APBA1: variants seen among roughly 807,000 people sequenced by gnomAD.
APBA1 encodes the protein amyloid-beta A4 precursor protein-binding family A member 1.
A neutral mutation model predicts 86.6 loss-of-function variants in APBA1; 55 were observed. The ratio of observed to expected loss-of-function variants is 0.64; its 90% CI spans 0.51 to 0.80. The LOEUF (loss-of-function observed/expected upper bound fraction) is 0.80. Ranked by LOEUF, APBA1 falls within the 30% of genes least tolerant of loss-of-function variation. The probability of loss-of-function intolerance (pLI) is 0.00; values close to 1 mark genes in which losing one functional copy is unlikely to be tolerated. For missense variants in APBA1, 1,090 were observed against 1,183.0 expected (o/e 0.92, Z 1.15); for synonymous variants, 511 against 493.9 (o/e 1.03, Z -0.46).
chr9:69,449,897 ACTTCCCT>A, intron 9 of APBA1, 101 bp from the exon 10 acceptor site: 1 of 1,077,494 alleles, frequency 9.3e-7, no homozygotes, highest in Non-Finnish European at 1.3e-6. Context: ...AAAGAAAGAC[ACTTCCCT>A]GGGGACACCA....
intron 2 of APBA1, among the ~76,000 whole-genome samples, chr9:69,503,152 T>C (rs2133874011): frequency 6.6e-6 from 1 of 152,176 alleles, no homozygotes; most frequent in East Asian, 1.9e-4. Context: ...TGTTTGCCTT[T>C]CTCTGTGTTT....
intron 1 of APBA1, among the ~76,000 whole-genome samples, chr9:69,667,069 C>T (rs1310614322): frequency 6.6e-6 from 1 of 152,112 alleles, no homozygotes; most frequent in Non-Finnish European, 1.5e-5. Context: ...AGAAAAAGCT[C>T]ATCCTTTAAA....
At chr9:69,435,754 C>T (rs9775451) in intron 11 of APBA1, among the ~76,000 whole-genome samples, 56,554 of 151,954 alleles carry the variant, frequency 0.37, 12,233 homozygotes, top group African/African-American at 0.59. Context: ...CTGTTCACTC[C>T]GATGGTAGTT....
At chr9:69,523,497 G>GTATATATATA (rs869242999) in intron 1 of APBA1, among the ~76,000 whole-genome samples, 15 of 30,890 alleles carry the variant, frequency 4.9e-4, no homozygotes, top group Middle Eastern at 0.031. Context: ...ATATATATAT[G>GTATATATATA]TATATATATA....
rs577219717 is a variant in APBA1 at position 69,657,821 on chromosome 9, C to G, written c.-70+14332G>C. Among the ~76,000 whole-genome samples, 9 of 152,272 alleles carry G rather than the reference C, an allele frequency of 5.9e-5. No homozygotes were observed. The East Asian group carries it at 1.5e-3, about 26-fold the overall frequency. ...GACAAATTTACCACCTTAATACCATCAATTATATATTTTTAATCTTTTCCT... is the reference window on the plus strand; with the variant it reads ...GACAAATTTACCACCTTAATACCATGAATTATATATTTTTAATCTTTTCCT... On this transcript the variant is annotated intron_variant, in intron 1 of 12. Transcript: ENST00000265381.
intron 2 of APBA1, among the ~76,000 whole-genome samples, chr9:69,511,094 C>T (rs1274655490): frequency 5.9e-5 from 9 of 151,894 alleles, no homozygotes; most frequent in Non-Finnish European, 1.2e-4. Context: ...AACTAAAGAG[C>T]TTCTGCACAG....
At chr9:69,591,792 A>C (rs1043381971) in intron 1 of APBA1, among the ~76,000 whole-genome samples, 2 of 152,236 alleles carry the variant, frequency 1.3e-5, no homozygotes, top group African/African-American at 4.8e-5. Context: ...CACTGCCTTG[A>C]GAGAGAAATG....
intron 3 of APBA1, among the ~76,000 whole-genome samples, chr9:69,472,167 CTCT>C (rs1472574155): frequency 2.0e-5 from 3 of 152,206 alleles, no homozygotes; most frequent in African/African-American, 7.2e-5. Context: ...TTTTAAAAAT[CTCT>C]TCATCTCCTA....
chr9:69,562,794 A>G (rs1036485582), intron 1 of APBA1, among the ~76,000 whole-genome samples: 5 of 152,342 alleles, frequency 3.3e-5, no homozygotes, highest in East Asian at 3.9e-4. Flanking sequence ...GATCTGCCCA[A>G]ATAGAAAATT....
rs751147415 is a variant in APBA1, at chr9:69,516,698, C to G, written c.513G>C (p.Thr171=). 4.3e-6 allele frequency: 7 copies of G among 1,610,760 alleles called. No individual in the cohort carries two copies. The highest frequency in any genetic ancestry group is 5.9e-6 in the Non-Finnish European group (7 of 1,179,042). The stretch of plus-strand genomic sequence containing the variant: ...CCTCACCGCGGTGGAAGAGCCGGTG[C>G]GTGTAGACGTAGCCTGAGTAGGCCG... The part of the protein sequence containing the change: ...MNAAYSGYVY[T]HRLFHRGEDE... Residue 171 remains threonine, a synonymous_variant, in exon 2 of 13, where the codon ACG becomes ACC. Coordinates refer to ENST00000265381, the MANE Select transcript of APBA1 (RefSeq NM_001163.4). This position sits in a 1 kb window ranked among gnomAD's most constrained non-coding sequence, Gnocchi z 7.3.
intron 1 of APBA1, among the ~76,000 whole-genome samples, chr9:69,564,577 A>C (rs1219786688): frequency 6.6e-6 from 1 of 152,180 alleles, no homozygotes; most frequent in Non-Finnish European, 1.5e-5. Context: ...ACTACCCAAT[A>C]CATGCTCAGA....
chr9:69,431,418 T>C lies in APBA1; in HGVS notation c.2443-20A>G, dbSNP rs1834591835. The C allele has an allele frequency of 1.2e-6, 2 of 1,608,992 alleles. No homozygotes were observed. The highest frequency in any genetic ancestry group is 2.7e-5 in the African/African-American group (2 of 74,826). On this transcript the variant is annotated intron_variant, in intron 12 of 12. Transcript: ENST00000265381. ...ATGAATCTGAGGGTAAAGAACACAC[T>C]TTAGTGGGGGGCTGAGGCTGGGGGC...
At chr9:69,591,154 T>C (rs1466909382) in intron 1 of APBA1, among the ~76,000 whole-genome samples, 1 of 152,164 alleles carries the variant, frequency 6.6e-6, no homozygotes, top group Non-Finnish European at 1.5e-5. Flanking sequence ...CCAAATGCTT[T>C]CAAGGCAGAA....
At chr9:69,530,321 T>C (rs1241763791) in intron 1 of APBA1, among the ~76,000 whole-genome samples, 158 of 136,310 alleles carry the variant, frequency 1.2e-3, no homozygotes, top group African/African-American at 3.8e-3. Context: ...TATATATATA[T>C]ATATATATAC....
rs537667355 is a variant in APBA1, at chr9:69,567,661, T to C, written c.-69-50382A>G. 6.0e-4 allele frequency among the ~76,000 whole-genome samples: 92 copies of C among 152,212 alleles called. 1 individual carries two copies. Among genetic ancestry groups the C allele is most frequent in the Non-Finnish European group, 9.4e-4 (64 of 68,016 alleles). On this transcript the variant is annotated intron_variant, in intron 1 of 12. Transcript: ENST00000265381. ...TTGTTCAACTTCAAGTTTTCTACATTTCTCATTAACTTTGAATCCCAGGTC... is the reference window on the plus strand; with the variant it reads ...TTGTTCAACTTCAAGTTTTCTACATCTCTCATTAACTTTGAATCCCAGGTC...
intron 1 of APBA1, among the ~76,000 whole-genome samples, chr9:69,603,112 C>T (rs982739666): frequency 2.0e-5 from 3 of 152,174 alleles, no homozygotes; most frequent in African/African-American, 7.2e-5. Flanking sequence ...GGACAGTTAG[C>T]TCCAGAAGAA....
chr9:69,528,320 C>A (rs981557756), intron 1 of APBA1, among the ~76,000 whole-genome samples: 1 of 152,072 alleles, frequency 6.6e-6, no homozygotes, highest in African/African-American at 2.4e-5. Context: ...CACAGCCCAG[C>A]CTTTGATTAA....
At chr9:69,599,520 C>T (rs1014692147) in intron 1 of APBA1, among the ~76,000 whole-genome samples, 1 of 152,188 alleles carries the variant, frequency 6.6e-6, no homozygotes, top group Non-Finnish European at 1.5e-5. Context: ...CCAAACCACT[C>T]ACCAGCACAT....
chr9:69,443,635 A>G (rs1332029629), intron 10 of APBA1, among the ~76,000 whole-genome samples: 6 of 152,212 alleles, frequency 3.9e-5, no homozygotes, highest in Admixed American at 3.9e-4. Context: ...GTTATCTGGC[A>G]TTAACCTGGA....
Sources: allele counts gnomAD v4.1 joint callset (sites outside exome capture counted in the v4.1 genomes callset), GRCh38; gene constraint gnomAD v4.1.1; non-coding constraint Gnocchi (gnomAD v3.1); transcripts MANE v1.5; gene names NCBI Gene and HGNC (gene_info 2026-07-23, HGNC 2026-07-21).